The following FAM168A variants were observed in gnomAD, a reference collection of about 807,000 sequenced individuals.
FAM168A encodes family with sequence similarity 168 member A.
Under a neutral mutation model 28.5 loss-of-function variants are expected in FAM168A, and 3 were observed. That is an observed-to-expected ratio of 0.11 (90% CI 0.05 to 0.27). FAM168A has a LOEUF of 0.27. FAM168A is among the 10% of genes least tolerant of loss of function. FAM168A has a pLI of 1.00. For synonymous variants in FAM168A, 122 were observed against 124.2 expected, an observed-to-expected ratio of 0.98 and a Z score of 0.12; for missense variants, 222 against 311.5, an observed-to-expected ratio of 0.71 and a Z score of 2.16.
rs1866412892 is a variant in FAM168A, at chr11:73,401,615, TC to T, written c.*5147del. 6.6e-6 allele frequency: 1 copy of T among 152,048 alleles called. No homozygotes were observed. The highest frequency in any genetic ancestry group is 2.4e-5 in the African/African-American group (1 of 41,392). The allele number at this position is 152,048 out of a possible 1,614,324, so 9.4% of individuals were successfully genotyped here. A position where few individuals can be genotyped will look rare whatever the true frequency, so the allele number is the denominator to read the frequency against. ...CATCTGTTCTCCTTAGGAAGGAAAA[TC>T]CCCCTGCTATCAGTGGCTGGAATGG... On this transcript the variant is annotated 3_prime_UTR_variant, in exon 8 of 8. Coordinates refer to ENST00000356467, the MANE Select transcript of FAM168A (RefSeq NM_015159.3).
At chr11:73,480,174 G>A (rs1867948282) in intron 1 of FAM168A, among the ~76,000 whole-genome samples, 1 of 152,076 alleles carries the variant, frequency 6.6e-6, no homozygotes, top group Non-Finnish European at 1.5e-5. Flanking sequence ...TATCTGAAAG[G>A]CTTCCACAGT....
At chr11:73,436,895 T>C (rs79745661) in intron 2 of FAM168A, among the ~76,000 whole-genome samples, 5,936 of 152,296 alleles carry the variant, frequency 0.039, 400 homozygotes, top group African/African-American at 0.14. Flanking sequence ...TGGTCAAAGA[T>C]GGCTGTGTTT....
intron 2 of FAM168A, among the ~76,000 whole-genome samples, chr11:73,464,352 TA>T (rs377420678): frequency 0.22 from 31,640 of 142,874 alleles, 4,518 homozygotes; most frequent in African/African-American, 0.42. Flanking sequence ...AACACTGGTT[TA>T]AAAAAAAAAA....
chr11:73,581,981 T>C (rs1158495284), intron 1 of FAM168A, among the ~76,000 whole-genome samples: 1 of 151,964 alleles, frequency 6.6e-6, no homozygotes, highest in African/African-American at 2.4e-5. Context: ...CCTCCCAAAG[T>C]GCTGGGATTA....
intron 2 of FAM168A, among the ~76,000 whole-genome samples, chr11:73,441,939 T>C (rs1188177085): frequency 2.0e-5 from 3 of 152,174 alleles, no homozygotes; most frequent in Non-Finnish European, 4.4e-5. Context: ...AAAAGGTTTG[T>C]TGATTTTGCC....
intron 1 of FAM168A, among the ~76,000 whole-genome samples, chr11:73,501,974 G>A (rs945264341): frequency 5.9e-5 from 9 of 152,056 alleles, no homozygotes; most frequent in Admixed American, 2.0e-4. Flanking sequence ...GGTGGCGGGC[G>A]CCTGTAGTCC....
chr11:73,574,274 CTAT>C (rs2134725564), intron 1 of FAM168A, among the ~76,000 whole-genome samples: 1 of 152,232 alleles, frequency 6.6e-6, no homozygotes, highest in African/African-American at 2.4e-5. Flanking sequence ...GGAAAGTTGG[CTAT>C]TATTATCTCT....
intron 4 of FAM168A, among the ~76,000 whole-genome samples, chr11:73,412,857 C>G (rs138374729): frequency 6.6e-6 from 1 of 152,096 alleles, no homozygotes; most frequent in African/African-American, 2.4e-5. Flanking sequence ...CTTTCAGCTC[C>G]GAGGTGCTGT....
At chr11:73,462,321 G>A (rs1867660786) in intron 2 of FAM168A, among the ~76,000 whole-genome samples, 1 of 152,154 alleles carries the variant, frequency 6.6e-6, no homozygotes, top group Admixed American at 6.5e-5. Context: ...GAGGTCATTA[G>A]GCTGAGTGAA....
At chr11:73,517,925 G>A (rs1383630483) in intron 1 of FAM168A, among the ~76,000 whole-genome samples, 1 of 152,158 alleles carries the variant, frequency 6.6e-6, no homozygotes, top group Non-Finnish European at 1.5e-5. Flanking sequence ...AAAAGGAGTG[G>A]GGACTGTCAA....
intron 1 of FAM168A, among the ~76,000 whole-genome samples, chr11:73,475,628 G>T (rs1450403627): frequency 6.6e-6 from 1 of 150,802 alleles, no homozygotes; most frequent in Non-Finnish European, 1.5e-5. Flanking sequence ...AAAATAAAAT[G>T]AGATGAAATG....
At chr11:73,455,773 C>T (rs970912429) in intron 2 of FAM168A, among the ~76,000 whole-genome samples, 1 of 152,204 alleles carries the variant, frequency 6.6e-6, no homozygotes, top group Non-Finnish European at 1.5e-5. Context: ...GCAGTAGAAT[C>T]CTTCTCACCT....
intron 2 of FAM168A, among the ~76,000 whole-genome samples, chr11:73,463,081 G>T (rs551697791): frequency 7.2e-5 from 11 of 152,106 alleles, no homozygotes; most frequent in African/African-American, 2.4e-4. Context: ...CGATTCTCAT[G>T]CCTCAGCCTC....
intron 1 of FAM168A, among the ~76,000 whole-genome samples, chr11:73,519,266 C>T (rs1943345915): frequency 6.6e-6 from 1 of 152,008 alleles, no homozygotes; most frequent in South Asian, 2.1e-4. Context: ...TCATGGGATG[C>T]TTCCTAGGAA....
intron 1 of FAM168A, among the ~76,000 whole-genome samples, chr11:73,491,598 G>A (rs1177727397): frequency 2.6e-5 from 4 of 152,138 alleles, no homozygotes; most frequent in African/African-American, 4.8e-5. Context: ...GTAACAGACC[G>A]GGGACTTGAA....
chr11:73,407,152 G>C (rs1866520693), intron 7 of FAM168A, among the ~76,000 whole-genome samples: 1 of 152,180 alleles, frequency 6.6e-6, no homozygotes, highest in Non-Finnish European at 1.5e-5. Flanking sequence ...TAGTACTAGA[G>C]AACTGAAGTT....
intron 1 of FAM168A, among the ~76,000 whole-genome samples, chr11:73,499,086 C>T (rs1029457912): frequency 6.6e-6 from 1 of 152,172 alleles, no homozygotes; most frequent in Non-Finnish European, 1.5e-5. Flanking sequence ...ACACCCTATA[C>T]AGGAGCAATC....
chr11:73,438,239 A>C (rs1415251045), intron 2 of FAM168A, among the ~76,000 whole-genome samples: 1 of 152,246 alleles, frequency 6.6e-6, no homozygotes, highest in Non-Finnish European at 1.5e-5. Flanking sequence ...AGTTATTTAA[A>C]TTAATCTCTA....
chr11:73,533,057 G>A (rs544641360), intron 1 of FAM168A, among the ~76,000 whole-genome samples: 22 of 152,296 alleles, frequency 1.4e-4, no homozygotes, highest in Non-Finnish European at 2.6e-4. Flanking sequence ...ACAGAGAAAC[G>A]ACAGAGCAGT....
Sources: allele counts gnomAD v4.1 joint callset (sites outside exome capture counted in the v4.1 genomes callset), GRCh38; gene constraint gnomAD v4.1.1; transcripts MANE v1.5; gene names NCBI Gene and HGNC (gene_info 2026-07-23, HGNC 2026-07-21).